VPS13B: variants seen among roughly 807,000 people sequenced by gnomAD.
VPS13B encodes the protein intermembrane lipid transfer protein VPS13B.
VPS13B carries 285 observed loss-of-function variants against 426.4 expected under a neutral mutation model. That is an observed-to-expected ratio of 0.67 (90% CI 0.61 to 0.74). The LOEUF is 0.74. Among genes scored for constraint, VPS13B ranks in the 30% least tolerant of loss-of-function variants. The pLI is 0.00. For synonymous variants in VPS13B, 1,676 were observed against 1,676.4 expected (o/e 1.00, Z 0.01); for missense variants, 4,537 against 4,782.6 (o/e 0.95, Z 1.51).
At chr8:99,644,436 A>C (rs1829495242) in intron 34 of VPS13B, among the ~76,000 whole-genome samples, 2 of 152,216 alleles carry the variant, frequency 1.3e-5, no homozygotes, top group Non-Finnish European at 2.9e-5. Flanking sequence ...CATTTGAATT[A>C]TAATCAATTC....
intron 19 of VPS13B, among the ~76,000 whole-genome samples, chr8:99,319,264 A>C (rs1418648693): frequency 1.3e-5 from 2 of 152,200 alleles, no homozygotes; most frequent in African/African-American, 4.8e-5. Context: ...GAATATCCTC[A>C]AATGAAATAG....
chr8:99,138,316 G>A (rs1016313390), intron 12 of VPS13B, among the ~76,000 whole-genome samples: 7 of 152,158 alleles, frequency 4.6e-5, no homozygotes, highest in Non-Finnish European at 8.8e-5. Context: ...TAGTAGAGAT[G>A]GGGTTTGGCC....
At position 99,160,307 on chromosome 8, in the gene VPS13B, G is replaced by A. The variant is rs529213536; in HGVS notation, c.2208+3564G>A. ...GATGTATAGTTTAAATAGAAATAGTGTGTACACAATCAACTTCTGTTTTAT... is the reference window on the plus strand; with the variant it reads ...GATGTATAGTTTAAATAGAAATAGTATGTACACAATCAACTTCTGTTTTAT... On this transcript the variant is annotated intron_variant, in intron 15 of 61. Coordinates refer to ENST00000357162, the MANE Select transcript of VPS13B (RefSeq NM_152564.5). 2.0e-5 allele frequency among the ~76,000 whole-genome samples: 3 copies of A among 152,232 alleles called. No individual in the cohort carries two copies. The South Asian group carries it at 6.2e-4, about 32-fold the overall frequency.
intron 31 of VPS13B, among the ~76,000 whole-genome samples, chr8:99,573,653 G>C (rs1417521924): frequency 1.3e-5 from 2 of 151,996 alleles, no homozygotes; most frequent in African/African-American, 2.4e-5. Context: ...TGTTCCATTG[G>C]TCTATATCTC....
chr8:99,584,814 C>T (rs537880294), intron 33 of VPS13B, among the ~76,000 whole-genome samples: 2 of 152,098 alleles, frequency 1.3e-5, no homozygotes, highest in African/African-American at 4.8e-5. Context: ...GCGTCAAATA[C>T]TATTATGGAT....
intron 8 of VPS13B, among the ~76,000 whole-genome samples, chr8:99,123,759 A>T (rs1435384939): frequency 6.6e-6 from 1 of 152,158 alleles, no homozygotes; most frequent in Non-Finnish European, 1.5e-5. Flanking sequence ...ATGAATGAAA[A>T]AAAAAAGATG....
chr8:99,689,218 T>C (rs1159403100), intron 35 of VPS13B, among the ~76,000 whole-genome samples: 1 of 152,012 alleles, frequency 6.6e-6, no homozygotes, highest in Non-Finnish European at 1.5e-5. Flanking sequence ...AAAATACTCA[T>C]CACAACTGGG....
intron 37 of VPS13B, among the ~76,000 whole-genome samples, chr8:99,717,927 T>C (rs1428897262): frequency 2.0e-5 from 3 of 152,224 alleles, no homozygotes; most frequent in Non-Finnish European, 4.4e-5. Flanking sequence ...CATTCATCAG[T>C]TGATAGACAT....
At chr8:99,377,742 G>A (rs558498291) in intron 19 of VPS13B, among the ~76,000 whole-genome samples, 5 of 152,250 alleles carry the variant, frequency 3.3e-5, no homozygotes, top group African/African-American at 1.2e-4. Context: ...GACATCACAT[G>A]TTGGCAGGTT....
In VPS13B at chr8:99,821,312, A is replaced by G. The variant is rs142110082; in HGVS notation, c.9013A>G (p.Ile3005Val). Residue 3005 changes from isoleucine to valine, a missense_variant, in exon 50 of 62, where the codon ATA becomes GTA. By Grantham distance (29) the Ile-to-Val change is conservative (BLOSUM62 3). Around this residue, in one of 2 missense-constraint regions of VPS13B, gnomAD observed 4,311 missense variants for 4,474.3 expected, o/e 0.96. Coordinates refer to ENST00000357162, the MANE Select transcript of VPS13B (RefSeq NM_152564.5). ...PNFQEAFQIG[I>V]YWANTNTVHK... is the part of the protein sequence containing the mutation. ...TTTCCAGGAAGCTTTTCAAATTGGA[A>G]TATACTGGGCAAATACAAACACTGT... 81 of 1,613,574 alleles carry G rather than the reference A, an allele frequency of 5.0e-5. No individual in the cohort carries two copies. The highest frequency in any genetic ancestry group is 1.4e-5 in the Non-Finnish European group (16 of 1,179,734).
intron 43 of VPS13B, among the ~76,000 whole-genome samples, chr8:99,798,285 G>GA (rs1812956791): frequency 6.6e-6 from 1 of 151,726 alleles, no homozygotes; most frequent in Non-Finnish European, 1.5e-5. Flanking sequence ...TTCTCTGAGG[G>GA]AGCTTACAGT....
At chr8:99,612,030 G>A (rs572503682) in intron 33 of VPS13B, among the ~76,000 whole-genome samples, 3 of 152,092 alleles carry the variant, frequency 2.0e-5, no homozygotes, top group Admixed American at 6.5e-5. Flanking sequence ...TTTTCAAAAG[G>A]GGGAACTGAG....
At chr8:99,572,488 G>A (rs1458310075) in intron 31 of VPS13B, among the ~76,000 whole-genome samples, 1 of 149,708 alleles carries the variant, frequency 6.7e-6, no homozygotes, top group East Asian at 2.0e-4. Flanking sequence ...GCTGTGTGAT[G>A]TTCCCCACCC....
chr8:99,870,931 A>G, intron 60 of VPS13B, 44 bp downstream of exon 60: 1 of 1,584,930 alleles, frequency 6.3e-7, no homozygotes, highest in Non-Finnish European at 8.7e-7. Flanking sequence ...TCCATATTGT[A>G]TGTTAATAGC....
At chr8:99,793,428 A>G (rs573718331) in intron 43 of VPS13B, among the ~76,000 whole-genome samples, 97 of 152,104 alleles carry the variant, frequency 6.4e-4, no homozygotes, top group African/African-American at 2.2e-3. Flanking sequence ...GGAGAACAAC[A>G]ATCAAATTAC....
At chr8:99,840,102 T>C (rs1234180689) in intron 54 of VPS13B, among the ~76,000 whole-genome samples, 1 of 152,266 alleles carries the variant, frequency 6.6e-6, no homozygotes. Context: ...TAGTGTGTTA[T>C]GTTCCCTTTT....
intron 27 of VPS13B, among the ~76,000 whole-genome samples, chr8:99,506,596 A>T (rs966819211): frequency 3.3e-5 from 5 of 152,192 alleles, no homozygotes; most frequent in Non-Finnish European, 7.4e-5. Flanking sequence ...GGTGGCTCAC[A>T]CCTGTGATCC....
chr8:99,636,793 A>T (rs939583594), intron 33 of VPS13B, among the ~76,000 whole-genome samples: 1 of 152,074 alleles, frequency 6.6e-6, no homozygotes, highest in African/African-American at 2.4e-5. Context: ...AGTAATATGC[A>T]TTTAATTCTC....
intron 24 of VPS13B, among the ~76,000 whole-genome samples, chr8:99,469,264 G>A (rs896019165): frequency 1.3e-5 from 2 of 150,346 alleles, no homozygotes; most frequent in Non-Finnish European, 2.9e-5. Flanking sequence ...AAACTCCTAG[G>A]TTCAAGCAGT....
Sources: allele counts gnomAD v4.1 joint callset (sites outside exome capture counted in the v4.1 genomes callset), GRCh38; gene constraint gnomAD v4.1.1; regional missense constraint gnomAD v4.1.1; transcripts MANE v1.5; gene names NCBI Gene and HGNC (gene_info 2026-07-23, HGNC 2026-07-21).